ADCK2: variants seen among roughly 807,000 people sequenced by gnomAD.
ADCK2 encodes aarF domain containing kinase 2, also known as uncharacterized aarF domain-containing protein kinase 2.
ADCK2 carries 37 observed loss-of-function variants against 52.3 expected under a neutral mutation model. That is an observed-to-expected ratio of 0.71 (90% CI 0.54 to 0.93). The LOEUF is 0.93. Among genes scored for constraint, ADCK2 ranks in the 40% least tolerant of loss-of-function variants. The probability of loss-of-function intolerance (pLI) is 0.00; values close to 1 mark genes in which losing one functional copy is unlikely to be tolerated. For synonymous variants in ADCK2, 321 were observed against 349.2 expected (o/e 0.92, Z 0.90); for missense variants, 695 against 798.7 (o/e 0.87, Z 1.56).
chr7:140,680,720 C>T (rs1408127033), intron 3 of ADCK2, among the ~76,000 whole-genome samples: 1 of 152,136 alleles, frequency 6.6e-6, no homozygotes, highest in East Asian at 1.9e-4. Context: ...TTGTTTGAGA[C>T]AGAGTCTCTG....
intron 2 of ADCK2, 34 bp from the exon 3 acceptor site, chr7:140,679,121 C>T (rs1195753630): frequency 6.2e-6 from 10 of 1,611,504 alleles, no homozygotes; most frequent in Non-Finnish European, 7.6e-6. Context: ...TGTACCCAGA[C>T]TAGCCCTCAT....
chr7:140,675,061 G>A (rs1794374817), intron 2 of ADCK2, among the ~76,000 whole-genome samples: 1 of 152,108 alleles, frequency 6.6e-6, no homozygotes, highest in Admixed American at 6.6e-5. Context: ...TGGCCAACAT[G>A]GTGTAACCCT....
At chr7:140,675,212 G>A (rs1794379043) in intron 2 of ADCK2, among the ~76,000 whole-genome samples, 1 of 152,178 alleles carries the variant, frequency 6.6e-6, no homozygotes, top group Non-Finnish European at 1.5e-5. Flanking sequence ...CTGCACTCCA[G>A]CCTGGCGACA....
chr7:140,694,550 A>C, intron 7 of ADCK2, 113 bp from the exon 8 acceptor site: 1 of 998,316 alleles, frequency 1.0e-6, no homozygotes, highest in Non-Finnish European at 1.5e-6. Flanking sequence ...GATGGTAAAC[A>C]TCCCGTGGGC....
At position 140,695,080 on chromosome 7, in the gene ADCK2, G is replaced by C; in HGVS notation, c.*277G>C. On this transcript the variant is annotated 3_prime_UTR_variant, in exon 8 of 8. Coordinates refer to ENST00000072869, the MANE Select transcript of ADCK2 (RefSeq NM_052853.4). Reference sequence around the variant, plus strand: ...TCTCCTTCAGGGAAAATGTTATGTGGAGGAGGACGAATAAATTTATTTTGT... The same window carrying C: ...TCTCCTTCAGGGAAAATGTTATGTGCAGGAGGACGAATAAATTTATTTTGT... 2 of 1,186,664 alleles carry C rather than the reference G, an allele frequency of 1.7e-6. No individual in the cohort carries two copies. Among genetic ancestry groups the C allele is most frequent in the South Asian group, 7.4e-5 (2 of 27,106 alleles). 73.5% of individuals were successfully genotyped at this position (1,186,664 alleles called of 1,614,324 possible). A position where few individuals can be genotyped will look rare whatever the true frequency, so the allele number is the denominator to read the frequency against.
In ADCK2 at chr7:140,673,529, C is replaced by G; in HGVS notation, c.199C>G (p.Arg67Gly). The G allele has an allele frequency of 6.3e-7, 1 of 1,599,708 alleles. No individual in the cohort carries two copies. Among genetic ancestry groups the G allele is most frequent in the South Asian group, 1.1e-5 (1 of 90,264 alleles). ...VGEGAPDVLSRRRVRCSGAAG... is the reference protein window; with the variant it reads ...VGEGAPDVLSGRRVRCSGAAG... ...TGAGGGGGCCCCTGACGTTCTGAGT[C>G]GGCGAAGGGTCCGCTGCAGCGGGGC... is the stretch of plus-strand genomic sequence containing the variant. The change falls in exon 1 of 8, where the codon CGG becomes GGG. Residue 67 changes from arginine to glycine, a missense_variant. Transcript: ENST00000072869. The surrounding 1 kb of genome is among the most constrained non-coding windows in gnomAD (Gnocchi z 6.4).
At chr7:140,681,190 TGGGGAGTG>T (rs1382253854) in intron 4 of ADCK2, 53 bp downstream of exon 4, 5 of 1,555,584 alleles carry the variant, frequency 3.2e-6, no homozygotes, top group Non-Finnish European at 4.4e-6. Context: ...AGCTTGCAGA[TGGGGAGTG>T]GGCTGGGACT....
At chr7:140,688,202 C>T (rs1213494037) in intron 5 of ADCK2, among the ~76,000 whole-genome samples, 1 of 152,090 alleles carries the variant, frequency 6.6e-6, no homozygotes, top group East Asian at 1.9e-4. Context: ...TGCCACCATG[C>T]CCGGCCACTT....
Position 140,673,708 on chromosome 7 carries a change from C to G in ADCK2, c.378C>G (p.Val126=). The G allele has an allele frequency of 1.2e-6, 2 of 1,612,502 alleles. No individual in the cohort carries two copies. The highest frequency in any genetic ancestry group is 1.7e-6 in the Non-Finnish European group (2 of 1,179,884). ...CCCTCACCTACCTGGCTCCCAGCGT[C>G]TCCACCCTCTGGCTCCACCTGCTTC... ...LYPLTYLAPS[V]STLWLHLLLK... Residue 126 remains valine, a synonymous_variant, in exon 1 of 8, where the codon GTC becomes GTG. Coordinates refer to ENST00000072869, the MANE Select transcript of ADCK2 (RefSeq NM_052853.4). The surrounding 1 kb of genome is among the most constrained non-coding windows in gnomAD (Gnocchi z 6.4).
At chr7:140,684,735 G>A (rs1424702957) in intron 4 of ADCK2, among the ~76,000 whole-genome samples, 1 of 152,170 alleles carries the variant, frequency 6.6e-6, no homozygotes, top group Non-Finnish European at 1.5e-5. Flanking sequence ...GAGCCGTTGT[G>A]GGGGTGGGCT....
chr7:140,682,919 T>C (rs1794540541), intron 4 of ADCK2, among the ~76,000 whole-genome samples: 1 of 144,514 alleles, frequency 6.9e-6, no homozygotes, highest in Non-Finnish European at 1.5e-5. Context: ...TGGGATCACC[T>C]GAGCCCAGGA....
At position 140,689,726 on chromosome 7, in the gene ADCK2, G is replaced by A. The variant is rs746577205; in HGVS notation, c.1686+1G>A. On this transcript the variant is annotated splice_donor_variant, in intron 6 of 7. Coordinates refer to ENST00000072869, the MANE Select transcript of ADCK2 (RefSeq NM_052853.4). LOFTEE classifies it high-confidence loss of function. ...GAAGAACACCATCACCCTGGAGAAG[G>A]TGGGCAGGTCACTTGCGGAACAGGG... The A allele has an allele frequency of 1.2e-5, 20 of 1,610,362 alleles. No individual in the cohort carries two copies. The highest frequency in any genetic ancestry group is 1.4e-5 in the Non-Finnish European group (17 of 1,177,852).
In ADCK2 at chr7:140,674,493, A is replaced by G. The variant is rs904678429; in HGVS notation, c.934-118A>G. On this transcript the variant is annotated intron_variant, in intron 1 of 7. Transcript: ENST00000072869. This position sits in a 1 kb window ranked among gnomAD's most constrained non-coding sequence, Gnocchi z 4.6. ...CTAACTGCTTGGGTGTCGGGACCAC[A>G]TCCTCTTTTCTTTGATAAGAAGCCA... 63 of 1,323,008 alleles carry G rather than the reference A, an allele frequency of 4.8e-5. No homozygotes were observed. The Admixed American group carries it at 1.5e-3, about 31-fold the overall frequency. 82.0% of individuals were successfully genotyped at this position (1,323,008 alleles called of 1,614,324 possible).
At chr7:140,681,736 C>G (rs567908629) in intron 4 of ADCK2, among the ~76,000 whole-genome samples, 1 of 151,912 alleles carries the variant, frequency 6.6e-6, no homozygotes, top group Non-Finnish European at 1.5e-5. Context: ...TGCCTCCTCA[C>G]TCCTCAGCCT....
chr7:140,690,496 G>A (rs1234674661), intron 6 of ADCK2, among the ~76,000 whole-genome samples: 2 of 151,240 alleles, frequency 1.3e-5, no homozygotes, highest in African/African-American at 4.9e-5. Flanking sequence ...TGTGATTTTT[G>A]TGGTTGCTTC....
At position 140,673,488 on chromosome 7, in the gene ADCK2, T is replaced by C; in HGVS notation, c.158T>C (p.Leu53Pro). 1.2e-6 allele frequency: 2 copies of C among 1,605,988 alleles called. No individual in the cohort carries two copies. Among genetic ancestry groups the C allele is most frequent in the Non-Finnish European group, 1.7e-6 (2 of 1,177,484 alleles). Reference protein sequence around the residue: ...LLGTLPKVVSLCGDVGEGAPD... With the variant: ...LLGTLPKVVSPCGDVGEGAPD... ...GGCACTTTGCCCAAGGTCGTCTCCC[T>C]GTGCGGGGACGTGGGTGAGGGGGCC... The change falls in exon 1 of 8, where the codon CTG (leucine) becomes CCG (proline). Residue 53 changes from leucine (L) to proline (P), a missense_variant. Transcript: ENST00000072869. This position sits in a 1 kb window ranked among gnomAD's most constrained non-coding sequence, Gnocchi z 6.4.
intron 7 of ADCK2, among the ~76,000 whole-genome samples, chr7:140,691,222 G>A (rs1382300966): frequency 2.0e-5 from 3 of 152,302 alleles, no homozygotes; most frequent in South Asian, 2.1e-4. Context: ...CACTGTGCCC[G>A]GCCTATTATA....
At chr7:140,691,401 T>C (rs1015500307) in intron 7 of ADCK2, among the ~76,000 whole-genome samples, 2 of 152,218 alleles carry the variant, frequency 1.3e-5, no homozygotes, top group Non-Finnish European at 1.5e-5. Context: ...TTTCCCTCCT[T>C]GGTTCACTTT....
intron 2 of ADCK2, among the ~76,000 whole-genome samples, chr7:140,675,968 A>T (rs1794406750): frequency 6.6e-6 from 1 of 152,214 alleles, no homozygotes; most frequent in African/African-American, 2.4e-5. Context: ...TTTCAGAAGC[A>T]ACCTGCCGAG....
Sources: allele counts gnomAD v4.1 joint callset (sites outside exome capture counted in the v4.1 genomes callset), GRCh38; gene constraint gnomAD v4.1.1; non-coding constraint Gnocchi (gnomAD v3.1); transcripts MANE v1.5; gene names NCBI Gene and HGNC (gene_info 2026-07-23, HGNC 2026-07-21).